Variants in TRABD2B observed in about 807,000 individuals in gnomAD.
TRABD2B encodes the protein TraB domain containing 2B.
Under a neutral mutation model 40.1 loss-of-function variants are expected in TRABD2B, and 14 were observed. The ratio of observed to expected loss-of-function variants is 0.35; its 90% CI spans 0.23 to 0.55. The LOEUF (loss-of-function observed/expected upper bound fraction) is 0.55, where lower values mean the gene tolerates loss of function less well. Among genes scored for constraint, TRABD2B ranks in the 20% least tolerant of loss-of-function variants. TRABD2B has a pLI of 0.90. For synonymous variants in TRABD2B, 263 were observed against 277.0 expected, an observed-to-expected ratio of 0.95 and a Z score of 0.50; for missense variants, 541 against 648.6, an observed-to-expected ratio of 0.83 and a Z score of 1.80.
At chr1:47,855,689 G>A (rs547166512) in intron 2 of TRABD2B, among the ~76,000 whole-genome samples, 2 of 152,310 alleles carry the variant, frequency 1.3e-5, no homozygotes, top group South Asian at 2.1e-4. Context: ...ATGGTAATTG[G>A]AGATGGGGGC....
chr1:47,805,816 AT>A (rs1018860856), intron 2 of TRABD2B, among the ~76,000 whole-genome samples: 4 of 150,548 alleles, frequency 2.7e-5, no homozygotes, highest in Non-Finnish European at 4.4e-5. Context: ...GCTCCATTTA[AT>A]TAAAAAAAAA....
At chr1:47,937,000 CCATCACCAT>C (rs774098213) in intron 2 of TRABD2B, among the ~76,000 whole-genome samples, 27 of 146,104 alleles carry the variant, frequency 1.8e-4, no homozygotes, top group Non-Finnish European at 3.3e-4. Flanking sequence ...ATGATCACCA[CCATCACCAT>C]CATCACCACT....
chr1:47,849,988 A>G (rs1008412549), intron 2 of TRABD2B, among the ~76,000 whole-genome samples: 2 of 152,244 alleles, frequency 1.3e-5, no homozygotes, highest in Admixed American at 6.5e-5. Flanking sequence ...TCACAGGAGA[A>G]TTGCAAAACC....
rs917197887 is a variant in TRABD2B, at chr1:47,760,671, A to G, written c.*5231T>C. ...TTCACAGAGGTGAGGGGCAGAGGTG[A>G]TAAGAGAACAACATCATGAATACCT... On this transcript the variant is annotated 3_prime_UTR_variant, in exon 7 of 7. Coordinates refer to ENST00000606738, the MANE Select transcript of TRABD2B (RefSeq NM_001194986.2). 4 of 152,232 alleles carry G rather than the reference A, an allele frequency of 2.6e-5. No individual in the cohort carries two copies. The highest frequency in any genetic ancestry group is 9.6e-5 in the African/African-American group (4 of 41,456). The allele number at this position is 152,232 out of a possible 1,614,324, so 9.4% of individuals were successfully genotyped here.
rs189391829 is a variant in TRABD2B at position 47,833,188 on chromosome 1, G to A, written c.667-31569C>T. Among the ~76,000 whole-genome samples the A allele has an allele frequency of 1.4e-3, 211 of 152,298 alleles. 1 individual carries two copies. Among genetic ancestry groups the A allele is most frequent in the African/African-American group, 4.5e-3 (188 of 41,566 alleles). ...ATCCCAGGCTCTGTGGGGGATGGTG[G>A]CAGAGAGGTTCTGAGCCAGGGAGTC... On this transcript the variant is annotated intron_variant, in intron 2 of 6. Transcript: ENST00000606738.
At chr1:47,888,599 G>T (rs952780053) in intron 2 of TRABD2B, among the ~76,000 whole-genome samples, 1 of 152,076 alleles carries the variant, frequency 6.6e-6, no homozygotes, top group Admixed American at 6.5e-5. Context: ...TCCAAACTGG[G>T]AGTGACAGTG....
In TRABD2B at chr1:47,997,168, G is replaced by T. The variant is rs1646106087; in HGVS notation, c.-379C>A. On this transcript the variant is annotated 5_prime_UTR_variant, in exon 1 of 7. Transcript: ENST00000606738. ...ACCCGGGGTGCGCAAGGGTCCCGGGGTTATGCTGGGCACCCGGGGCACGCA... is the reference window on the plus strand; with the variant it reads ...ACCCGGGGTGCGCAAGGGTCCCGGGTTTATGCTGGGCACCCGGGGCACGCA... 1 of 983,792 alleles carries T rather than the reference G, an allele frequency of 1.0e-6. No individual in the cohort carries two copies. Among genetic ancestry groups the T allele is most frequent in the Non-Finnish European group, 1.2e-6 (1 of 829,344 alleles). 60.9% of individuals were successfully genotyped at this position (983,792 alleles called of 1,614,324 possible).
At chr1:47,887,584 C>CG (rs1210506227) in intron 2 of TRABD2B, among the ~76,000 whole-genome samples, 1 of 122,720 alleles carries the variant, frequency 8.1e-6, no homozygotes. Context: ...TGGGGGCCGG[C>CG]GGGGGGTGGG....
At chr1:47,960,173 G>A (rs1645490108) in intron 2 of TRABD2B, among the ~76,000 whole-genome samples, 1 of 152,140 alleles carries the variant, frequency 6.6e-6, no homozygotes. Context: ...AGCCCCTCAT[G>A]CTAAAAACTC....
intron 2 of TRABD2B, among the ~76,000 whole-genome samples, chr1:47,953,749 G>A (rs1218208833): frequency 1.3e-5 from 2 of 152,190 alleles, no homozygotes; most frequent in Non-Finnish European, 2.9e-5. Context: ...CTTTATGCCT[G>A]GCTTCAGAAG....
chr1:47,963,696 T>C (rs1645556649), intron 2 of TRABD2B, among the ~76,000 whole-genome samples: 1 of 152,218 alleles, frequency 6.6e-6, no homozygotes, highest in Non-Finnish European at 1.5e-5. Flanking sequence ...TCCCAGTGCC[T>C]TGCTTGCATG....
At chr1:47,817,388 GC>G (rs1458836403) in intron 2 of TRABD2B, among the ~76,000 whole-genome samples, 3 of 152,050 alleles carry the variant, frequency 2.0e-5, no homozygotes, top group Admixed American at 2.0e-4. Flanking sequence ...GGGATTGGGG[GC>G]CCTGAAACGG....
At chr1:47,827,479 C>T (rs1403534321) in intron 2 of TRABD2B, among the ~76,000 whole-genome samples, 1 of 152,098 alleles carries the variant, frequency 6.6e-6, no homozygotes, top group Non-Finnish European at 1.5e-5. Flanking sequence ...GTGGAGCTGG[C>T]CAAGGGAGCT....
At chr1:47,898,098 G>A (rs146468908) in intron 2 of TRABD2B, among the ~76,000 whole-genome samples, 4 of 152,320 alleles carry the variant, frequency 2.6e-5, no homozygotes, top group Non-Finnish European at 5.9e-5. Context: ...ATGAATGAAT[G>A]AGCAGATGAA....
chr1:47,769,229 C>T (rs1354923028), intron 6 of TRABD2B, among the ~76,000 whole-genome samples: 5 of 152,252 alleles, frequency 3.3e-5, no homozygotes, highest in South Asian at 2.1e-4. Flanking sequence ...TCCATAAAAA[C>T]GTCCTCCTAG....
At chr1:47,892,048 G>T (rs1015608931) in intron 2 of TRABD2B, among the ~76,000 whole-genome samples, 1 of 152,214 alleles carries the variant, frequency 6.6e-6, no homozygotes. Context: ...TTGAAGGATG[G>T]CTCCAGGCTC....
At position 47,783,453 on chromosome 1, in the gene TRABD2B, A is replaced by G. The variant is rs544188732; in HGVS notation, c.989-4909T>C. Among the ~76,000 whole-genome samples, 5 of 152,306 alleles carry G rather than the reference A, an allele frequency of 3.3e-5. No individual in the cohort carries two copies. The East Asian group carries it at 9.7e-4, about 29-fold the overall frequency. The stretch of plus-strand genomic sequence containing the variant: ...TCCGAGAGGAGGGGCTCATGTATCC[A>G]GTCATGTATCGAGGACTCCCCCAGG... On this transcript the variant is annotated intron_variant, in intron 4 of 6. Coordinates refer to ENST00000606738, the MANE Select transcript of TRABD2B (RefSeq NM_001194986.2).
intron 2 of TRABD2B, among the ~76,000 whole-genome samples, chr1:47,985,210 G>A (rs564209681): frequency 1.2e-3 from 188 of 152,344 alleles, no homozygotes; most frequent in Admixed American, 2.4e-3. Flanking sequence ...TGGGCCATCC[G>A]GCCAATGTCT....
intron 2 of TRABD2B, among the ~76,000 whole-genome samples, chr1:47,934,159 A>G (rs1239284665): frequency 6.6e-6 from 1 of 152,236 alleles, no homozygotes; most frequent in Non-Finnish European, 1.5e-5. Context: ...ATTTTAGACA[A>G]GGAAGTTGAA....
Sources: gnomAD v4.1 joint callset for allele counts (sites outside exome capture counted in the v4.1 genomes callset) on GRCh38, gnomAD v4.1.1 for gene constraint, MANE v1.5 for transcripts, NCBI Gene and HGNC (gene_info 2026-07-23, HGNC 2026-07-21) for gene names.